PATL1: variants seen among roughly 807,000 people sequenced by gnomAD.
The protein encoded by PATL1 is PAT1 homolog 1, processing body mRNA decay factor, also known as protein PAT1 homolog 1.
PATL1 carries 32 observed loss-of-function variants against 100.6 expected under a neutral mutation model. The observed-to-expected ratio is 0.32, with a 90% confidence interval of 0.24 to 0.43. The LOEUF is 0.43. Ranked by LOEUF, PATL1 falls within the 20% of genes least tolerant of loss-of-function variation. The pLI, the probability that PATL1 is intolerant of heterozygous loss-of-function variation, is 1.00. For missense variants in PATL1, 747 were observed against 949.9 expected (o/e 0.79, Z 2.81); for synonymous variants, 332 against 330.0 (o/e 1.01, Z -0.07).
intron 2 of PATL1, among the ~76,000 whole-genome samples, chr11:59,665,150 T>C (rs1861669935): frequency 6.6e-6 from 1 of 152,244 alleles, no homozygotes; most frequent in South Asian, 2.1e-4. Flanking sequence ...AGTTCTCTAA[T>C]GAATTTTACA....
At position 59,639,172 on chromosome 11, in the gene PATL1, G is replaced by A. The variant is rs1302436427; in HGVS notation, c.2167C>T (p.Arg723Ter). 6.2e-7 allele frequency: 1 copy of A among 1,613,928 alleles called. No individual in the cohort carries two copies. The highest frequency in any genetic ancestry group is 8.5e-7 in the Non-Finnish European group (1 of 1,179,866). Residue 723 changes from arginine to a stop codon, truncating the protein, a stop_gained, in exon 18 of 19, where the codon CGA becomes TGA. Coordinates refer to ENST00000300146, the MANE Select transcript of PATL1 (RefSeq NM_152716.3). LOFTEE classifies it high-confidence loss of function. Reference sequence around the variant, plus strand: ...GCTTGGGGAATCCGCAGAAGTTCTCGTGTTGCCATGAACATCACCTCCGTC... The same window carrying A: ...GCTTGGGGAATCCGCAGAAGTTCTCATGTTGCCATGAACATCACCTCCGTC... ...QWTEVMFMAT[R>*]ELLRIPQAAL...
intron 18 of PATL1, 51 bp downstream of exon 18, chr11:59,638,997 T>G: frequency 6.3e-7 from 1 of 1,581,452 alleles, no homozygotes; most frequent in South Asian, 1.2e-5. Flanking sequence ...AACCATAACT[T>G]CTAAAGTCCC....
chr11:59,643,892 A>C (rs1466236047), intron 15 of PATL1, among the ~76,000 whole-genome samples: 2 of 152,236 alleles, frequency 1.3e-5, no homozygotes, highest in East Asian at 1.9e-4. Flanking sequence ...CTAGTCATTT[A>C]TTTCTTTTTG....
chr11:59,667,713 T>C (rs867466318), intron 1 of PATL1, among the ~76,000 whole-genome samples: 1 of 152,140 alleles, frequency 6.6e-6, no homozygotes, highest in African/African-American at 2.4e-5. Flanking sequence ...TGGCAGAGAG[T>C]TGTGATGATC....
intron 1 of PATL1, among the ~76,000 whole-genome samples, chr11:59,668,022 G>T (rs1355846411): frequency 6.6e-6 from 1 of 152,196 alleles, no homozygotes; most frequent in Non-Finnish European, 1.5e-5. Context: ...TTACCCCAGA[G>T]CCCTTCCAAA....
At chr11:59,668,849 GGGA>G in intron 1 of PATL1, 29 bp downstream of exon 1, 1 of 1,307,078 alleles carries the variant, frequency 7.7e-7, no homozygotes, top group South Asian at 1.4e-5. Context: ...GCGGGAGGGA[GGGA>G]GGGGTCACTT....
At chr11:59,667,126 G>A (rs1053288986) in intron 1 of PATL1, 162 bp from the exon 2 acceptor site, 2 of 966,278 alleles carry the variant, frequency 2.1e-6, no homozygotes, top group Non-Finnish European at 2.5e-6. Flanking sequence ...CCCTGACACT[G>A]GAAGATTTCA....
intron 4 of PATL1, among the ~76,000 whole-genome samples, chr11:59,658,288 C>CCT (rs899320099): frequency 8.5e-5 from 13 of 152,166 alleles, no homozygotes; most frequent in African/African-American, 2.6e-4. Context: ...ACACTGATGA[C>CCT]CTCTCTGTCC....
intron 2 of PATL1, among the ~76,000 whole-genome samples, chr11:59,661,114 G>T (rs930586645): frequency 6.6e-6 from 1 of 152,000 alleles, no homozygotes; most frequent in South Asian, 2.1e-4. Flanking sequence ...TTGAGACAGG[G>T]TCTCACTGTC....
At chr11:59,639,266 T>C in intron 17 of PATL1, 26 bp downstream of exon 17, 1 of 1,566,164 alleles carries the variant, frequency 6.4e-7, no homozygotes, top group Non-Finnish European at 8.7e-7. Flanking sequence ...GAACTTAAAA[T>C]AAGAGAAGAA....
At position 59,652,064 on chromosome 11, in the gene PATL1, CAAAAAAA is replaced by C. The variant is rs748019832; in HGVS notation, c.1426+393_1426+399del. Among the ~76,000 whole-genome samples the C allele has an allele frequency of 3.6e-3, 191 of 52,996 alleles. 1 individual carries two copies. Among genetic ancestry groups the C allele is most frequent in the Non-Finnish European group, 4.8e-3 (144 of 30,150 alleles). 34.8% of individuals were successfully genotyped at this position (52,996 alleles called of 152,430 possible). ...TGGACAACAGAGTAAGGCTCTTTCT[CAAAAAAA>C]AAAAAAAAAAAAAAAAAAAAAGACA... On this transcript the variant is annotated intron_variant, in intron 11 of 18. Transcript: ENST00000300146.
rs1309585623 is a variant in PATL1, at chr11:59,655,749, A to T, written c.814-9T>A. On this transcript the variant is annotated splice_polypyrimidine_tract_variant and intron_variant, in intron 7 of 18. Transcript: ENST00000300146. ...ATCCGTCCAGGCTGTAGCTACAAAG[A>T]GGAAGAAGATCTTAGATTTAGACAA... 3 of 1,574,786 alleles carry T rather than the reference A, an allele frequency of 1.9e-6. No individual in the cohort carries two copies. Among genetic ancestry groups the T allele is most frequent in the Non-Finnish European group, 2.6e-6 (3 of 1,158,978 alleles).
At chr11:59,667,605 T>A (rs1009786114) in intron 1 of PATL1, among the ~76,000 whole-genome samples, 4 of 152,220 alleles carry the variant, frequency 2.6e-5, no homozygotes, top group Non-Finnish European at 5.9e-5. Flanking sequence ...TTCTAATTAA[T>A]TCATCAAATA....
At chr11:59,640,444 G>C (rs182141429) in intron 16 of PATL1, among the ~76,000 whole-genome samples, 62 of 152,246 alleles carry the variant, frequency 4.1e-4, no homozygotes, top group African/African-American at 1.2e-3. Context: ...TATGGGACGG[G>C]CGTGGTGGCT....
At chr11:59,645,428 T>G (rs1483488371) in intron 15 of PATL1, among the ~76,000 whole-genome samples, 1 of 148,490 alleles carries the variant, frequency 6.7e-6, no homozygotes. Flanking sequence ...CAGTAATGAG[T>G]GCTGTCTAGA....
intron 6 of PATL1, 71 bp from the exon 7 acceptor site, chr11:59,656,116 AGCAG>A: frequency 1.1e-6 from 1 of 896,812 alleles, no homozygotes; most frequent in Non-Finnish European, 1.6e-6. Flanking sequence ...AAGGAAACTC[AGCAG>A]AAATGCAGTA....
chr11:59,657,621 G>A lies in PATL1; in HGVS notation c.530C>T (p.Ser177Leu). 1 of 1,613,070 alleles carries A rather than the reference G, an allele frequency of 6.2e-7. No individual in the cohort carries two copies. Among genetic ancestry groups the A allele is most frequent in the South Asian group, 1.1e-5 (1 of 91,024 alleles). Reference protein sequence around the residue: ...DLSERALPRRSTSPIIGSPPV... With the variant: ...DLSERALPRRLTSPIIGSPPV... ...AGGACTGCCAATGATAGGTGAAGTT[G>A]ACCGCCTTGGTAATGCTCGTTCAGA... Residue 177 changes from serine (S) to leucine (L), a missense_variant, in exon 5 of 19, where the codon TCA becomes TTA. Around this residue, in one of 4 missense-constraint regions of PATL1, gnomAD observed 183 missense variants for 221.2 expected, o/e 0.83. Coordinates refer to ENST00000300146, the MANE Select transcript of PATL1 (RefSeq NM_152716.3).
At chr11:59,642,652 T>G in intron 16 of PATL1, 1 of 414,810 alleles carries the variant, frequency 2.4e-6, no homozygotes, top group East Asian at 4.0e-5. Flanking sequence ...CCTGGATCCC[T>G]GATGACTCTG....
Position 59,657,520 on chromosome 11 carries a change from T to C in PATL1, c.621+10A>G. The stretch of plus-strand genomic sequence containing the variant: ...ATATCCTGGGCTGTGTGCTTGTTAA[T>C]GAGAGGTACCTGTTGGGTGAAGCTG... On this transcript the variant is annotated intron_variant, in intron 5 of 18. Coordinates refer to ENST00000300146, the MANE Select transcript of PATL1 (RefSeq NM_152716.3). The C allele has an allele frequency of 1.9e-6, 3 of 1,570,556 alleles. No individual in the cohort carries two copies. Among genetic ancestry groups the C allele is most frequent in the Non-Finnish European group, 2.6e-6 (3 of 1,149,584 alleles).
Sources: allele counts gnomAD v4.1 joint callset (sites outside exome capture counted in the v4.1 genomes callset), GRCh38; gene constraint gnomAD v4.1.1; regional missense constraint gnomAD v4.1.1; transcripts MANE v1.5; gene names NCBI Gene and HGNC (gene_info 2026-07-23, HGNC 2026-07-21).